ATF7IP: variants seen among roughly 807,000 people sequenced by gnomAD.
ATF7IP encodes the protein activating transcription factor 7-interacting protein 1.
Under a neutral mutation model 106.4 loss-of-function variants are expected in ATF7IP, and 23 were observed. The ratio of observed to expected loss-of-function variants is 0.22; its 90% CI spans 0.16 to 0.31. ATF7IP has a LOEUF of 0.31. Among genes scored for constraint, ATF7IP ranks in the 10% least tolerant of loss-of-function variants. The pLI is 1.00. For synonymous variants in ATF7IP, 542 were observed against 539.0 expected, an observed-to-expected ratio of 1.01 and a Z score of -0.08; for missense variants, 1,334 against 1,524.3, an observed-to-expected ratio of 0.88 and a Z score of 2.08.
chr12:14,456,674 A>G (rs756691600), intron 7 of ATF7IP, 40 bp downstream of exon 7: 8 of 1,384,008 alleles, frequency 5.8e-6, no homozygotes, highest in Non-Finnish European at 8.2e-6. Context: ...AAAACAGAAC[A>G]AAGTTCTACT....
At chr12:14,418,395 T>G (rs1941313463) in intron 1 of ATF7IP, among the ~76,000 whole-genome samples, 4 of 152,210 alleles carry the variant, frequency 2.6e-5, no homozygotes, top group African/African-American at 9.7e-5. Context: ...TACCAATGCT[T>G]TTTTCTGTGA....
At chr12:14,485,217 A>T (rs1944560491) in intron 13 of ATF7IP, among the ~76,000 whole-genome samples, 1 of 151,920 alleles carries the variant, frequency 6.6e-6, no homozygotes, top group Admixed American at 6.6e-5. Flanking sequence ...CGCACTCAAA[A>T]CTGGCAGCCT....
At chr12:14,391,792 G>A (rs972165195) in intron 1 of ATF7IP, among the ~76,000 whole-genome samples, 2 of 152,232 alleles carry the variant, frequency 1.3e-5, no homozygotes, top group Non-Finnish European at 2.9e-5. Flanking sequence ...TGCTATCTCA[G>A]CTCACTTCAA....
chr12:14,385,996 T>A (rs1427457325), intron 1 of ATF7IP, among the ~76,000 whole-genome samples: 1 of 152,156 alleles, frequency 6.6e-6, no homozygotes, highest in Non-Finnish European at 1.5e-5. Flanking sequence ...TGCTTCTTTG[T>A]TCAAATTACT....
rs1466393438 is a variant in ATF7IP at position 14,424,328 on chromosome 12, A to G, written c.413A>G (p.Asp138Gly). ...GTTTCTGGTGATCCAGCCCCTGGTG[A>G]TCTGGATGCCGGAGATCCAGCCTCC... ...EPVSGDPAPGDLDAGDPASGV... is the reference protein window; with the variant it reads ...EPVSGDPAPGGLDAGDPASGV... The change falls in exon 2 of 15, where the codon GAT (aspartate) becomes GGT (glycine). Residue 138 changes from aspartate (D) to glycine (G), a missense_variant. Asp to Gly is a moderately conservative substitution (Grantham distance 94, BLOSUM62 -1). Around this residue, in one of 10 missense-constraint regions of ATF7IP, gnomAD observed 438 missense variants for 405.3 expected, o/e 1.08. Transcript: ENST00000261168. 6.2e-7 allele frequency: 1 copy of G among 1,614,190 alleles called. No individual in the cohort carries two copies. The highest frequency in any genetic ancestry group is 8.5e-7 in the Non-Finnish European group (1 of 1,180,032).
chr12:14,374,459 A>C (rs920399203), intron 1 of ATF7IP, among the ~76,000 whole-genome samples: 3 of 151,910 alleles, frequency 2.0e-5, no homozygotes, highest in African/African-American at 7.3e-5. Flanking sequence ...AGGTAAAAAG[A>C]TTGTGGTTGT....
intron 1 of ATF7IP, among the ~76,000 whole-genome samples, chr12:14,374,097 C>CT (rs879380227): frequency 1.1e-3 from 148 of 139,246 alleles, no homozygotes; most frequent in East Asian, 2.1e-3. Context: ...GAAAATATGA[C>CT]TTTTTTTTTT....
intron 13 of ATF7IP, among the ~76,000 whole-genome samples, chr12:14,485,289 A>C (rs1485819487): frequency 6.6e-6 from 1 of 151,824 alleles, no homozygotes; most frequent in Non-Finnish European, 1.5e-5. Flanking sequence ...GTTGTCTCCA[A>C]AATCTAAATC....
chr12:14,475,005 GATA>G (rs1944208322), intron 10 of ATF7IP, among the ~76,000 whole-genome samples: 1 of 152,074 alleles, frequency 6.6e-6, no homozygotes, highest in Non-Finnish European at 1.5e-5. Context: ...ATTGGGCCTG[GATA>G]TTATAAAGTC....
At chr12:14,427,929 G>A (rs1235850942) in intron 2 of ATF7IP, among the ~76,000 whole-genome samples, 1 of 152,130 alleles carries the variant, frequency 6.6e-6, no homozygotes, top group Non-Finnish European at 1.5e-5. Context: ...TGTAAGAGAA[G>A]CATATCATGG....
At chr12:14,409,381 G>C (rs1339288053) in intron 1 of ATF7IP, among the ~76,000 whole-genome samples, 3 of 151,928 alleles carry the variant, frequency 2.0e-5, no homozygotes, top group Non-Finnish European at 4.4e-5. Flanking sequence ...TACATATAAG[G>C]CCTTTTGGTT....
chr12:14,416,283 A>G (rs577390489), intron 1 of ATF7IP, among the ~76,000 whole-genome samples: 2 of 146,704 alleles, frequency 1.4e-5, no homozygotes, highest in African/African-American at 4.9e-5. Context: ...TTTAATATTT[A>G]ATTCAGCCAT....
intron 1 of ATF7IP, among the ~76,000 whole-genome samples, chr12:14,396,794 A>G (rs1939872351): frequency 6.6e-6 from 1 of 152,196 alleles, no homozygotes; most frequent in African/African-American, 2.4e-5. Context: ...GTTGGAGGTC[A>G]TAGCAAAGAA....
intron 1 of ATF7IP, among the ~76,000 whole-genome samples, chr12:14,412,035 A>T (rs984789924): frequency 6.6e-6 from 1 of 152,162 alleles, no homozygotes; most frequent in Admixed American, 6.5e-5. Context: ...TCTTTGTTCA[A>T]AATACTATTC....
rs774003803 is a variant in ATF7IP, at chr12:14,425,258, A to T, written c.1343A>T (p.Glu448Val). ...ILEKLAPSED[E>V]LTCFSKTSLL... ...GAAAAGCTTGCACCTTCTGAGGATG[A>T]ACTTACTTGCTTTTCTAAAACATCT... is the stretch of plus-strand genomic sequence containing the variant. Residue 448 changes from glutamate to valine, a missense_variant, in exon 2 of 15, where the codon GAA (glutamate) becomes GTA (valine). By Grantham distance (121) the Glu-to-Val change is moderately radical (BLOSUM62 -2). Transcript: ENST00000261168. 6.3e-6 allele frequency: 10 copies of T among 1,598,040 alleles called. No individual in the cohort carries two copies. Among genetic ancestry groups the T allele is most frequent in the South Asian group, 4.6e-5 (4 of 87,900 alleles).
At chr12:14,391,238 T>A (rs182010266) in intron 1 of ATF7IP, among the ~76,000 whole-genome samples, 1 of 152,332 alleles carries the variant, frequency 6.6e-6, no homozygotes, top group Admixed American at 6.5e-5. Context: ...ACAAATTGAT[T>A]TAGCAAATCT....
chr12:14,390,377 TAAC>T (rs1378964297), intron 1 of ATF7IP, among the ~76,000 whole-genome samples: 1 of 152,174 alleles, frequency 6.6e-6, no homozygotes, highest in Non-Finnish European at 1.5e-5. Flanking sequence ...TCCAATGGCA[TAAC>T]AACAAGTAAC....
At chr12:14,478,680 T>C (rs1159487414) in intron 12 of ATF7IP, among the ~76,000 whole-genome samples, 1 of 152,212 alleles carries the variant, frequency 6.6e-6, no homozygotes, top group Non-Finnish European at 1.5e-5. Flanking sequence ...TAAAGAAAAG[T>C]ATATATTTAT....
intron 9 of ATF7IP, among the ~76,000 whole-genome samples, chr12:14,464,326 G>C (rs1943747666): frequency 1.3e-5 from 2 of 152,216 alleles, no homozygotes; most frequent in Admixed American, 1.3e-4. Flanking sequence ...CCCTGTCTCA[G>C]AAAGAAAAAC....
Sources: allele counts gnomAD v4.1 joint callset (sites outside exome capture counted in the v4.1 genomes callset), GRCh38; gene constraint gnomAD v4.1.1; regional missense constraint gnomAD v4.1.1; transcripts MANE v1.5; gene names NCBI Gene and HGNC (gene_info 2026-07-23, HGNC 2026-07-21).